The following USP16 variants were observed in gnomAD, a reference collection of about 807,000 sequenced individuals.
The protein encoded by USP16 is ubiquitin carboxyl-terminal hydrolase 16.
A neutral mutation model predicts 95.9 loss-of-function variants in USP16; 77 were observed. That is an observed-to-expected ratio of 0.80 (90% CI 0.67 to 0.97). USP16 has a LOEUF of 0.97. Among genes scored for constraint, USP16 ranks in the 50% least tolerant of loss-of-function variants. The pLI, the probability that USP16 is intolerant of heterozygous loss-of-function variation, is 0.00. For missense variants in USP16, 943 were observed against 959.9 expected (o/e 0.98, Z 0.23); for synonymous variants, 303 against 318.2 (o/e 0.95, Z 0.51).
chr21:29,027,382 G>A (rs999346790), intron 1 of USP16, among the ~76,000 whole-genome samples: 1 of 152,330 alleles, frequency 6.6e-6, no homozygotes, highest in Admixed American at 6.5e-5. Context: ...AGCCATTTTG[G>A]AAATTTTCTA....
chr21:29,047,142 A>G lies in USP16; in HGVS notation c.1832A>G (p.Glu611Gly), dbSNP rs147624751. 3.6e-4 allele frequency: 588 copies of G among 1,614,112 alleles called. 7 individuals carry two copies. The South Asian group carries it at 4.9e-3, about 13-fold the overall frequency. The change falls in exon 14 of 18, where the codon GAA becomes GGA. Residue 611 changes from glutamate (E) to glycine (G), a missense_variant. Glu to Gly is a moderately conservative substitution (Grantham distance 98). Coordinates refer to ENST00000399976, the MANE Select transcript of USP16 (RefSeq NM_006447.3). ...ACAAAGGTGTATGAGGTTGTAAATG[A>G]AGATCCAGAAACTGCTTTCTGTACT... ...PGTKVYEVVN[E>G]DPETAFCTLA...
chr21:29,029,310 G>A (rs1049230937), intron 2 of USP16, among the ~76,000 whole-genome samples: 3 of 152,210 alleles, frequency 2.0e-5, no homozygotes, highest in Admixed American at 6.5e-5. Flanking sequence ...CTACTTGGGA[G>A]GCTGAGGCAG....
At chr21:29,031,132 T>C (rs901290349) in intron 3 of USP16, among the ~76,000 whole-genome samples, 1 of 152,220 alleles carries the variant, frequency 6.6e-6, no homozygotes, top group Admixed American at 6.5e-5. Flanking sequence ...GGAAGTAACC[T>C]TGGGCAAGGC....
intron 13 of USP16, among the ~76,000 whole-genome samples, chr21:29,046,384 G>A (rs544272533): frequency 6.6e-6 from 1 of 152,052 alleles, no homozygotes; most frequent in Non-Finnish European, 1.5e-5. Flanking sequence ...TGATCCTCTT[G>A]TGATCATCTT....
At chr21:29,034,765 A>G (rs2085128814) in intron 3 of USP16, 72 bp from the exon 4 acceptor site, 1 of 1,377,448 alleles carries the variant, frequency 7.3e-7, no homozygotes, top group African/African-American at 1.4e-5. Flanking sequence ...TTCCTTGTTT[A>G]TGATAGATTA....
chr21:29,027,186 A>G (rs1320327093), intron 1 of USP16, among the ~76,000 whole-genome samples: 2 of 152,366 alleles, frequency 1.3e-5, no homozygotes, highest in Non-Finnish European at 2.9e-5. Flanking sequence ...ATTGTTGACT[A>G]AAAAAGTGAA....
At chr21:29,045,998 AT>A (rs1314186708) in intron 13 of USP16, among the ~76,000 whole-genome samples, 2 of 151,902 alleles carry the variant, frequency 1.3e-5, no homozygotes, top group Non-Finnish European at 2.9e-5. Context: ...TAATTTTTGT[AT>A]TTTTAGTAGA....
chr21:29,050,221 A>C, intron 16 of USP16, 43 bp downstream of exon 16: 2 of 1,579,656 alleles, frequency 1.3e-6, no homozygotes, highest in Non-Finnish European at 1.7e-6. Flanking sequence ...TTTAAAGTCA[A>C]ATTGTGGCTT....
chr21:29,047,775 C>CT lies in USP16; in HGVS notation c.2011+464dup, dbSNP rs1282511465. Among the ~76,000 whole-genome samples the CT allele has an allele frequency of 2.5e-4, 36 of 146,330 alleles. No individual in the cohort carries two copies. The East Asian group carries it at 3.4e-3, about 14-fold the overall frequency. On this transcript the variant is annotated intron_variant, in intron 14 of 17. Transcript: ENST00000399976. ...GACAATTTCCCTTATCTCCCCATTGCTTTTTTTTTTGAGTTTGGGTAAATA... is the reference window on the plus strand; with the variant it reads ...GACAATTTCCCTTATCTCCCCATTGCTTTTTTTTTTTGAGTTTGGGTAAATA...
chr21:29,032,998 T>C (rs1378107090), intron 3 of USP16, among the ~76,000 whole-genome samples: 1 of 152,242 alleles, frequency 6.6e-6, no homozygotes. Flanking sequence ...TGATATCTCA[T>C]TGTGGTCAGT....
At position 29,038,978 on chromosome 21, in the gene USP16, T is replaced by C. The variant is rs764614636; in HGVS notation, c.733-48T>C. ...ACTAATTAGATTTTAGTAAAGTCAG[T>C]GATTCCAGAATTTGACTGAAGAAAG... is the stretch of plus-strand genomic sequence containing the variant. On this transcript the variant is annotated intron_variant, in intron 7 of 17. Transcript: ENST00000399976. The C allele has an allele frequency of 6.2e-6, 9 of 1,444,644 alleles. No individual in the cohort carries two copies. In the South Asian group the frequency reaches 1.3e-4, roughly 21 times the overall value. 89.5% of individuals were successfully genotyped at this position (1,444,644 alleles called of 1,614,324 possible). A position where few individuals can be genotyped will look rare whatever the true frequency, so the allele number is the denominator to read the frequency against.
intron 3 of USP16, 141 bp downstream of exon 3, chr21:29,030,914 G>A: frequency 1.1e-6 from 1 of 881,468 alleles, no homozygotes; most frequent in Non-Finnish European, 1.6e-6. Context: ...GTTCTGAGAT[G>A]TGTGTATAGG....
intron 2 of USP16, among the ~76,000 whole-genome samples, chr21:29,028,790 A>AT (rs1309682081): frequency 6.6e-6 from 1 of 152,224 alleles, no homozygotes; most frequent in African/African-American, 2.4e-5. Context: ...ATGGATGTAT[A>AT]TTTCATAATT....
chr21:29,036,469 G>T, intron 5 of USP16, 95 bp downstream of exon 5: 1 of 1,165,568 alleles, frequency 8.6e-7, no homozygotes. Flanking sequence ...ACATACAGCT[G>T]AGTAACATTA....
chr21:29,044,310 A>G (rs938732321), intron 13 of USP16, among the ~76,000 whole-genome samples: 2 of 152,066 alleles, frequency 1.3e-5, no homozygotes, highest in Non-Finnish European at 2.9e-5. Flanking sequence ...TTCTTTTGGA[A>G]AATATGAGCA....
intron 13 of USP16, among the ~76,000 whole-genome samples, chr21:29,046,250 C>T (rs959527108): frequency 6.6e-6 from 1 of 152,186 alleles, no homozygotes; most frequent in Non-Finnish European, 1.5e-5. Flanking sequence ...GATCCTCCCA[C>T]CTCAACCTGC....
chr21:29,039,481 A>T lies in USP16; in HGVS notation c.864A>T (p.Lys288Asn). 6.2e-7 allele frequency: 1 copy of T among 1,612,948 alleles called. No homozygotes were observed. The highest frequency in any genetic ancestry group is 1.7e-5 in the Admixed American group (1 of 60,000). Residue 288 changes from lysine (K) to asparagine (N), a missense_variant and splice_region_variant, in exon 9 of 18, where the codon AAA becomes AAT. Coordinates refer to ENST00000399976, the MANE Select transcript of USP16 (RefSeq NM_006447.3). ...PKELFSQVCK[K>N]AVRFKGYQQQ... Reference sequence around the variant, plus strand: ...TTTCTGTCTTTTTGTTTTTCTCTAGAGCAGTGCGGTTTAAAGGCTATCAGC... The same window carrying T: ...TTTCTGTCTTTTTGTTTTTCTCTAGTGCAGTGCGGTTTAAAGGCTATCAGC...
chr21:29,050,115 T>A lies in USP16; in HGVS notation c.2130T>A (p.Val710=), dbSNP rs1010428385. 3.7e-6 allele frequency: 6 copies of A among 1,613,600 alleles called. No individual in the cohort carries two copies. The highest frequency in any genetic ancestry group is 5.1e-6 in the Non-Finnish European group (6 of 1,179,866). The part of the protein sequence containing the change: ...FQQAGFNLRK[V]NKHIKFPEIL... Reference sequence around the variant, plus strand: ...AGGCTGGTTTTAACCTACGCAAAGTTAACAAACACATAAAGTTTCCGGAAA... The same window carrying A: ...AGGCTGGTTTTAACCTACGCAAAGTAAACAAACACATAAAGTTTCCGGAAA... Residue 710 remains valine, a synonymous_variant, in exon 16 of 18, where the codon GTT becomes GTA. Coordinates refer to ENST00000399976, the MANE Select transcript of USP16 (RefSeq NM_006447.3).
At chr21:29,033,319 G>A (rs1253093269) in intron 3 of USP16, among the ~76,000 whole-genome samples, 2 of 152,192 alleles carry the variant, frequency 1.3e-5, no homozygotes, top group African/African-American at 4.8e-5. Context: ...AGTATCAAAT[G>A]TTAATTCATT....
Sources: allele counts gnomAD v4.1 joint callset (sites outside exome capture counted in the v4.1 genomes callset), GRCh38; gene constraint gnomAD v4.1.1; transcripts MANE v1.5; gene names NCBI Gene and HGNC (gene_info 2026-07-23, HGNC 2026-07-21).